Variants in BCHE observed in about 807,000 individuals in gnomAD.
BCHE encodes cholinesterase.
A neutral mutation model predicts 51.3 loss-of-function variants in BCHE; 48 were observed. The ratio of observed to expected loss-of-function variants is 0.94; its 90% confidence interval spans 0.74 to 1.19. The LOEUF (loss-of-function observed/expected upper bound fraction) is 1.19, where lower values mean the gene tolerates loss of function less well. BCHE is among the 50% of genes most tolerant of loss of function. The pLI is 0.00. For synonymous variants in BCHE, 251 were observed against 238.0 expected, an observed-to-expected ratio of 1.05 and a Z score of -0.50; for missense variants, 847 against 708.2, an observed-to-expected ratio of 1.20 and a Z score of -2.23.
At chr3:165,777,365 T>C (rs1712511419) in intron 3 of BCHE, among the ~76,000 whole-genome samples, 1 of 151,766 alleles carries the variant, frequency 6.6e-6, no homozygotes, top group Non-Finnish European at 1.5e-5. Flanking sequence ...AATAATGTGT[T>C]ACATTAGTTA....
At chr3:165,783,192 G>C (rs943659236) in intron 3 of BCHE, among the ~76,000 whole-genome samples, 8 of 151,990 alleles carry the variant, frequency 5.3e-5, no homozygotes, top group African/African-American at 1.9e-4. Flanking sequence ...TTTTTGATCA[G>C]TTATTAAACT....
At chr3:165,808,388 T>C (rs1713951256) in intron 2 of BCHE, among the ~76,000 whole-genome samples, 1 of 152,116 alleles carries the variant, frequency 6.6e-6, no homozygotes. Flanking sequence ...TATTTTAATA[T>C]GTCAAATACA....
intron 2 of BCHE, among the ~76,000 whole-genome samples, chr3:165,823,121 G>A (rs1354998568): frequency 6.6e-6 from 1 of 151,944 alleles, no homozygotes; most frequent in Non-Finnish European, 1.5e-5. Flanking sequence ...AGTTAGCAAA[G>A]GCCTAAATTA....
intron 2 of BCHE, among the ~76,000 whole-genome samples, chr3:165,807,530 A>ATTTATTTATTTATT (rs1402522328): frequency 1.3e-5 from 2 of 150,824 alleles, no homozygotes; most frequent in East Asian, 3.9e-4. Context: ...TTATTTATTT[A>ATTTATTTATTTATT]TTTATTTATT....
intron 2 of BCHE, among the ~76,000 whole-genome samples, chr3:165,791,410 A>G (rs1269587861): frequency 5.9e-5 from 9 of 152,184 alleles, no homozygotes; most frequent in African/African-American, 2.2e-4. Context: ...GGAGGCTACT[A>G]AAATAATTTA....
chr3:165,799,781 T>TTATTACTTAAGTAATTGGTGAAAA (rs1713566599), intron 2 of BCHE, among the ~76,000 whole-genome samples: 1 of 152,112 alleles, frequency 6.6e-6, no homozygotes, highest in South Asian at 2.1e-4. Flanking sequence ...CGATTTCAGA[T>TTATTACTTAAGTAATTGGTGAAAA]ACTTAAGTAA....
chr3:165,774,650 T>C (rs1050217052), intron 3 of BCHE, among the ~76,000 whole-genome samples: 2 of 152,142 alleles, frequency 1.3e-5, no homozygotes, highest in Admixed American at 6.6e-5. Context: ...TACATTTTAA[T>C]GGGAAACAAC....
At chr3:165,779,378 G>A (rs569237718) in intron 3 of BCHE, among the ~76,000 whole-genome samples, 7 of 152,124 alleles carry the variant, frequency 4.6e-5, no homozygotes, top group South Asian at 4.2e-4. Flanking sequence ...CAAGGATGCC[G>A]TCTCTCACTC....
At chr3:165,795,052 C>T (rs1440601676) in intron 2 of BCHE, among the ~76,000 whole-genome samples, 1 of 152,012 alleles carries the variant, frequency 6.6e-6, no homozygotes, top group Non-Finnish European at 1.5e-5. Flanking sequence ...GCTTTCGGAA[C>T]TTTGGATGTA....
In BCHE at chr3:165,825,806, T is replaced by A. The variant is rs139349163; in HGVS notation, c.1517+3711A>T. Among the ~76,000 whole-genome samples, 851 of 152,030 alleles carry A rather than the reference T, an allele frequency of 5.6e-3. 9 individuals are homozygous for A. Among genetic ancestry groups the A allele is most frequent in the African/African-American group, 0.019 (799 of 41,500 alleles). On this transcript the variant is annotated intron_variant, in intron 2 of 3. Transcript: ENST00000264381. The stretch of plus-strand genomic sequence containing the variant: ...CTATGAATATAAGAATTCTTACAAG[T>A]CAATGAGAGATAAACCCAATAAAAA...
At chr3:165,814,683 C>G (rs2108224373) in intron 2 of BCHE, among the ~76,000 whole-genome samples, 1 of 152,126 alleles carries the variant, frequency 6.6e-6, no homozygotes, top group East Asian at 1.9e-4. Context: ...CTTCTCTAAA[C>G]TTATGTCTGA....
intron 2 of BCHE, among the ~76,000 whole-genome samples, chr3:165,797,502 G>A (rs1355062858): frequency 2.0e-5 from 3 of 151,360 alleles, no homozygotes; most frequent in African/African-American, 4.9e-5. Flanking sequence ...CAAAGCAACT[G>A]TTATCATTTG....
intron 2 of BCHE, among the ~76,000 whole-genome samples, chr3:165,808,109 G>C (rs1446451954): frequency 6.6e-6 from 1 of 151,782 alleles, no homozygotes; most frequent in South Asian, 2.1e-4. Flanking sequence ...TCAGCCTCCC[G>C]AGTAGCTGGG....
At chr3:165,790,562 T>G (rs1713127986) in intron 2 of BCHE, among the ~76,000 whole-genome samples, 1 of 152,202 alleles carries the variant, frequency 6.6e-6, no homozygotes, top group Non-Finnish European at 1.5e-5. Context: ...ACTCCATATT[T>G]GTAAACAGCT....
At position 165,829,812 on chromosome 3, in the gene BCHE, G is replaced by A. The variant is rs1278095773; in HGVS notation, c.1222C>T (p.Gln408Ter). ...GCCTCACGGTAGTTTTCAGGTCTCT[G>A]ATCATCTACCCAGTCTGTGTAATGA... The part of the protein sequence containing the change: ...LFHYTDWVDD[Q>*]RPENYREALG... The change falls in exon 2 of 4, where the codon CAG (glutamine) becomes TAG (stop). Residue 408 changes from glutamine to a stop codon, truncating the protein, a stop_gained. Transcript: ENST00000264381. LOFTEE classifies it high-confidence loss of function. The A allele has an allele frequency of 3.1e-6, 5 of 1,613,814 alleles. No homozygotes were observed. Among genetic ancestry groups the A allele is most frequent in the Non-Finnish European group, 4.2e-6 (5 of 1,179,878 alleles).
At chr3:165,776,853 T>C (rs1402690871) in intron 3 of BCHE, among the ~76,000 whole-genome samples, 1 of 151,732 alleles carries the variant, frequency 6.6e-6, no homozygotes, top group Non-Finnish European at 1.5e-5. Flanking sequence ...GATCATACTA[T>C]ATAATAATAT....
chr3:165,790,116 T>G (rs1449418256), intron 2 of BCHE, among the ~76,000 whole-genome samples: 4 of 152,090 alleles, frequency 2.6e-5, no homozygotes, highest in Non-Finnish European at 5.9e-5. Context: ...TGATTGTCCT[T>G]TGTCTCTCCC....
chr3:165,792,935 C>G (rs190298744), intron 2 of BCHE, among the ~76,000 whole-genome samples: 2 of 152,076 alleles, frequency 1.3e-5, no homozygotes, highest in Non-Finnish European at 2.9e-5. Context: ...TAAACAATGT[C>G]TTTTATTGAT....
intron 2 of BCHE, among the ~76,000 whole-genome samples, chr3:165,801,527 A>G (rs1713645356): frequency 6.6e-6 from 1 of 152,198 alleles, no homozygotes; most frequent in Non-Finnish European, 1.5e-5. Context: ...GAAATATGGA[A>G]CAAAGCATAT....
Sources: allele counts gnomAD v4.1 joint callset (sites outside exome capture counted in the v4.1 genomes callset), GRCh38; gene constraint gnomAD v4.1.1; transcripts MANE v1.5; gene names NCBI Gene and HGNC (gene_info 2026-07-23, HGNC 2026-07-21).